Variants in MUC12 observed in about 807,000 individuals in gnomAD.
The protein encoded by MUC12 is mucin-12.
Under a neutral mutation model 230.8 loss-of-function variants are expected in MUC12, and 172 were observed. The observed-to-expected ratio is 0.75, with a 90% CI of 0.66 to 0.85. MUC12 has a LOEUF of 0.85. Ranked by LOEUF, MUC12 falls within the 40% of genes least tolerant of loss-of-function variation. MUC12 has a pLI of 0.00. For missense variants in MUC12, 3,506 were observed against 5,920.6 expected (o/e 0.59, Z 13.38); for synonymous variants, 1,259 against 2,401.9 (o/e 0.52, Z 13.91).
intron 1 of MUC12, among the ~76,000 whole-genome samples, chr7:100,970,763 C>T (rs988872195): frequency 2.6e-5 from 4 of 151,642 alleles, no homozygotes; most frequent in South Asian, 2.1e-4. Context: ...TTTGGGAGGC[C>T]GAGGTGGGCG....
intron 1 of MUC12, among the ~76,000 whole-genome samples, chr7:100,974,959 T>C: frequency 6.6e-6 from 1 of 152,310 alleles, no homozygotes; most frequent in Non-Finnish European, 1.5e-5. Flanking sequence ...GAATAGGAGA[T>C]GGACAGTCCA....
chr7:100,989,097 T>C (rs1310184812), intron 1 of MUC12, among the ~76,000 whole-genome samples: 2 of 135,406 alleles, frequency 1.5e-5, no homozygotes, highest in Non-Finnish European at 3.2e-5. Context: ...CTTCCTCTTC[T>C]TCTTTTTTTT....
chr7:100,989,032 G>A (rs552432245), intron 1 of MUC12, among the ~76,000 whole-genome samples: 1 of 151,584 alleles, frequency 6.6e-6, no homozygotes, highest in South Asian at 2.1e-4. Flanking sequence ...ATGTGGAACT[G>A]TGAGTCCATT....
chr7:101,010,184 G>A (rs1304282397), intron 5 of MUC12, among the ~76,000 whole-genome samples: 2 of 152,100 alleles, frequency 1.3e-5, no homozygotes, highest in Non-Finnish European at 2.9e-5. Flanking sequence ...TGGAGGTGTG[G>A]GGTGCCCTGT....
chr7:101,009,508 C>A (rs576332690), intron 5 of MUC12, among the ~76,000 whole-genome samples: 2 of 152,086 alleles, frequency 1.3e-5, no homozygotes, highest in Non-Finnish European at 2.9e-5. Context: ...AAAAGCAAAG[C>A]TTGGTGTGGC....
intron 9 of MUC12, chr7:101,015,058 A>G (rs989276412): frequency 6.4e-6 from 1 of 155,322 alleles, no homozygotes; most frequent in African/African-American, 2.4e-5. Flanking sequence ...ACCTCTCAGC[A>G]TTGCTGCCTT....
rs1452126815 is a variant in MUC12 at position 100,970,497 on chromosome 7, G to A, written c.67+808G>A. ...AGCAAAACACTGCCAAAAAAAAAAA[G>A]AGAGAGAGAAAGAAAGAGAGAAATA... On this transcript the variant is annotated intron_variant, in intron 1 of 11. Transcript: ENST00000536621. Among the ~76,000 whole-genome samples the A allele has an allele frequency of 5.8e-5, 8 of 139,034 alleles. No individual in the cohort carries two copies. In the East Asian group the frequency reaches 6.2e-4, roughly 11 times the overall value. 91.2% of individuals were successfully genotyped at this position (139,034 alleles called of 152,430 possible). A position where few individuals can be genotyped will look rare whatever the true frequency, so the allele number is the denominator to read the frequency against.
chr7:100,990,008 A>G (rs961819646), intron 1 of MUC12, among the ~76,000 whole-genome samples: 3 of 152,166 alleles, frequency 2.0e-5, no homozygotes, highest in Admixed American at 2.0e-4. Context: ...AATTCAAGTT[A>G]CAAATTACAG....
Position 101,004,564 on chromosome 7 carries a change from A to T in MUC12, c.14001A>T (p.Thr4667=), listed in dbSNP as rs1167809765. 56 of 1,537,084 alleles carry T rather than the reference A, an allele frequency of 3.6e-5. No homozygotes were observed. The highest frequency in any genetic ancestry group is 4.0e-5 in the Non-Finnish European group (46 of 1,146,798). Residue 4667 remains threonine, a synonymous_variant, in exon 2 of 12, where the codon ACA becomes ACT. Coordinates refer to ENST00000536621, the MANE Select transcript of MUC12 (RefSeq NM_001164462.2). ...SYHSSPGSIA[T]THFPESSTTS... ...ACAGCAGCCCGGGCTCAATTGCAAC[A>T]ACACACTTTCCTGAGAGCTCCACAA... is the stretch of plus-strand genomic sequence containing the variant.
At position 100,992,005 on chromosome 7, in the gene MUC12, C is replaced by T; in HGVS notation, c.1442C>T (p.Pro481Leu). The T allele has an allele frequency of 1.3e-6, 2 of 1,538,000 alleles. No individual in the cohort carries two copies. Among genetic ancestry groups the T allele is most frequent in the African/African-American group, 1.4e-5 (1 of 73,172 alleles). Reference sequence around the variant, plus strand: ...GGCTCAATGGAAACCACAGCGTTACCCGGCAGTACCACAAAACCAGGCCTC... The same window carrying T: ...GGCTCAATGGAAACCACAGCGTTACTCGGCAGTACCACAAAACCAGGCCTC... ...SSGSMETTAL[P>L]GSTTKPGLSE... The change falls in exon 2 of 12, where the codon CCC (proline) becomes CTC (leucine). Residue 481 changes from proline (P) to leucine (L), a missense_variant. Pro to Leu is a moderately conservative substitution (Grantham distance 98). Transcript: ENST00000536621.
chr7:100,975,186 C>G lies in MUC12; in HGVS notation c.67+5497C>G, dbSNP rs978942869. 4.6e-5 allele frequency among the ~76,000 whole-genome samples: 7 copies of G among 152,356 alleles called. No homozygotes were observed. The East Asian group carries it at 1.3e-3, about 29-fold the overall frequency. On this transcript the variant is annotated intron_variant, in intron 1 of 11. Coordinates refer to ENST00000536621, the MANE Select transcript of MUC12 (RefSeq NM_001164462.2). ...AAAATGCCAGAAAAATGCCAGGGAT[C>G]CACACGATGACTGGAACCACTATCC... is the stretch of plus-strand genomic sequence containing the variant.
rs557175135 is a variant in MUC12, at chr7:100,992,111, C to A, written c.1548C>A (p.Gly516=). ...THLPASMTSS[G]VSEESTTSHS... Reference sequence around the variant, plus strand: ...TACCTGCCAGCATGACAAGCTCAGGCGTCAGTGAAGAATCCACCACCTCCC... The same window carrying A: ...TACCTGCCAGCATGACAAGCTCAGGAGTCAGTGAAGAATCCACCACCTCCC... The change falls in exon 2 of 12, where the codon GGC becomes GGA. Residue 516 remains glycine, a synonymous_variant. Transcript: ENST00000536621. 6.5e-7 allele frequency: 1 copy of A among 1,537,112 alleles called. No individual in the cohort carries two copies. Among genetic ancestry groups the A allele is most frequent in the African/African-American group, 1.4e-5 (1 of 73,036 alleles).
Position 101,012,816 on chromosome 7 carries a change from C to A in MUC12, c.15404-3C>A, listed in dbSNP as rs1228397546. ...CATCTTCCTTCCCATCCACTCTCGG[C>A]AGAGGCCATACTGTGCTATAGTGAA... On this transcript the variant is annotated splice_polypyrimidine_tract_variant and splice_region_variant and intron_variant, in intron 6 of 11. Coordinates refer to ENST00000536621, the MANE Select transcript of MUC12 (RefSeq NM_001164462.2). The A allele has an allele frequency of 3.9e-6, 6 of 1,537,268 alleles. No homozygotes were observed. In the East Asian group the frequency reaches 1.2e-4, roughly 31 times the overall value.
chr7:101,008,995 T>A, intron 4 of MUC12, 100 bp from the exon 5 acceptor site: 1 of 1,396,644 alleles, frequency 7.2e-7, no homozygotes, highest in Non-Finnish European at 9.8e-7. Context: ...GGAGCTTACC[T>A]GGGCTCCACA....
intron 1 of MUC12, among the ~76,000 whole-genome samples, chr7:100,971,018 T>A (rs548857557): frequency 6.6e-6 from 1 of 150,930 alleles, no homozygotes; most frequent in East Asian, 1.9e-4. Flanking sequence ...TAGCTGGGCA[T>A]GGTGGCACAC....
At position 100,990,863 on chromosome 7, in the gene MUC12, T is replaced by C. The variant is rs1210522418; in HGVS notation, c.300T>C (p.Ser100=). The C allele has an allele frequency of 2.0e-6, 3 of 1,537,756 alleles. No individual in the cohort carries two copies. The Admixed American group carries it at 5.9e-5, about 30-fold the overall frequency. ...GAACAACACTCTTCCCTTCCCACTC[T>C]GCAACCTCAGTTTTTGTTGGAGAAC... is the stretch of plus-strand genomic sequence containing the variant. ...ATGTTLFPSH[S]ATSVFVGEPK... The change falls in exon 2 of 12, where the codon TCT becomes TCC. Residue 100 remains serine (S), a synonymous_variant. Transcript: ENST00000536621.
At chr7:101,005,666 A>G in intron 2 of MUC12, 147 bp downstream of exon 2, 1 of 1,027,978 alleles carries the variant, frequency 9.7e-7, no homozygotes, top group South Asian at 1.8e-5. Flanking sequence ...TGGGTTCGAT[A>G]CCACTTCCAG....
At chr7:101,006,450 G>A in intron 2 of MUC12, 21 bp from the exon 3 acceptor site, 2 of 1,522,328 alleles carry the variant, frequency 1.3e-6, no homozygotes, top group Non-Finnish European at 1.8e-6. Flanking sequence ...GGTGACTGCT[G>A]TGGATTCTAT....
chr7:100,989,734 A>G (rs2116295242), intron 1 of MUC12, among the ~76,000 whole-genome samples: 1 of 151,922 alleles, frequency 6.6e-6, no homozygotes, highest in Non-Finnish European at 1.5e-5. Context: ...CTCTTTCACC[A>G]GGCTGGAGTG....
Sources: gnomAD v4.1 joint callset for allele counts (sites outside exome capture counted in the v4.1 genomes callset) on GRCh38, gnomAD v4.1.1 for gene constraint, MANE v1.5 for transcripts, NCBI Gene and HGNC (gene_info 2026-07-23, HGNC 2026-07-21) for gene names.